Variants in UBE2L3 observed in about 807,000 individuals in gnomAD.
The protein encoded by UBE2L3 is ubiquitin conjugating enzyme E2 L3.
UBE2L3 carries 1 observed loss-of-function variant against 17.8 expected under a neutral mutation model. The observed-to-expected ratio is 0.06, with a 90% CI of 0.02 to 0.27. The LOEUF (loss-of-function observed/expected upper bound fraction) is 0.27, where lower values mean the gene tolerates loss of function less well. Among genes scored for constraint, UBE2L3 ranks in the 10% least tolerant of loss-of-function variants. The probability of loss-of-function intolerance (pLI) is 1.00; values close to 1 mark genes in which losing one functional copy is unlikely to be tolerated. For synonymous variants in UBE2L3, 44 were observed against 68.5 expected (o/e 0.64, Z 1.76); for missense variants, 40 against 192.6 (o/e 0.21, Z 4.69).
rs896790940 is a variant in UBE2L3 at position 21,580,634 on chromosome 22, T to C, written c.28-12227T>C. Among the ~76,000 whole-genome samples the C allele has an allele frequency of 6.6e-5, 10 of 151,314 alleles. No individual in the cohort carries two copies. In the East Asian group the frequency reaches 1.9e-3, roughly 29 times the overall value. ...CTGGCTAAGTTTTTTGTATTTTTAG[T>C]AGAGACAGGGTTTCACCATGTTGTT... On this transcript the variant is annotated intron_variant, in intron 1 of 3. Transcript: ENST00000342192.
chr22:21,553,015 C>G (rs1380696108), intron 1 of UBE2L3, among the ~76,000 whole-genome samples: 1 of 40,222 alleles, frequency 2.5e-5, no homozygotes, highest in African/African-American at 1.8e-4. Flanking sequence ...CGTGAGCCAC[C>G]GCGCATGGCC....
chr22:21,603,052 C>T (rs990804410), intron 2 of UBE2L3, among the ~76,000 whole-genome samples: 1 of 152,144 alleles, frequency 6.6e-6, no homozygotes. Flanking sequence ...GGAAAAGCAC[C>T]TGGCATCTAA....
At chr22:21,581,082 T>G (rs1601405817) in intron 1 of UBE2L3, among the ~76,000 whole-genome samples, 1 of 141,172 alleles carries the variant, frequency 7.1e-6, no homozygotes, top group African/African-American at 2.6e-5. Context: ...TGAGATGGAG[T>G]CTCACCCTGT....
intron 1 of UBE2L3, among the ~76,000 whole-genome samples, chr22:21,568,670 G>A (rs950777470): frequency 6.6e-6 from 1 of 152,140 alleles, no homozygotes; most frequent in African/African-American, 2.4e-5. Flanking sequence ...AAGGTCCTCT[G>A]TAGCCCACCC....
At chr22:21,590,245 T>A (rs1325023285) in intron 1 of UBE2L3, among the ~76,000 whole-genome samples, 38 of 152,240 alleles carry the variant, frequency 2.5e-4, no homozygotes, top group Non-Finnish European at 1.5e-4. Flanking sequence ...TCGCCCAAGC[T>A]GGAGTGCAGT....
rs35054754 is a variant in UBE2L3, at chr22:21,597,775, A to ATTTTTTTTTTTTT, written c.123+4839_123+4851dup. Among the ~76,000 whole-genome samples the ATTTTTTTTTTTTT allele has an allele frequency of 1.2e-3, 31 of 25,600 alleles. 9 individuals are homozygous for ATTTTTTTTTTTTT. The highest frequency in any genetic ancestry group is 8.9e-3 in the East Asian group (8 of 894). The allele number at this position is 25,600 out of a possible 152,430, so 16.8% of individuals were successfully genotyped here. A position where few individuals can be genotyped will look rare whatever the true frequency, so the allele number is the denominator to read the frequency against. On this transcript the variant is annotated intron_variant, in intron 2 of 3. Transcript: ENST00000342192. ...GGATCTTTGATCCATTTATATGTAG[A>ATTTTTTTTTTTTT]TTTTTTTTTTTTTTTTTTTTTTTTT...
intron 1 of UBE2L3, among the ~76,000 whole-genome samples, chr22:21,570,393 C>T (rs1233107055): frequency 6.6e-6 from 1 of 152,156 alleles, no homozygotes; most frequent in South Asian, 2.1e-4. Context: ...CGTAAGTCAT[C>T]TTTTCAACAC....
At chr22:21,562,394 C>T (rs113587339) in intron 1 of UBE2L3, among the ~76,000 whole-genome samples, 6 of 144,702 alleles carry the variant, frequency 4.1e-5, no homozygotes, top group African/African-American at 1.3e-4. Context: ...TTTTTTGAGA[C>T]GGAGTCTCGC....
chr22:21,598,211 T>TGTGTGTGTGTGTGTGTGTGTGTGTGTGTG (rs1555885650), intron 2 of UBE2L3, among the ~76,000 whole-genome samples: 3 of 98,108 alleles, frequency 3.1e-5, no homozygotes, highest in Admixed American at 1.3e-4. Flanking sequence ...GTGTGTGTGT[T>TGTGTGTGTGTGTGTGTGTGTGTGTGTGTG]TTTCATTTAT....
At chr22:21,557,514 T>C (rs1441538158) in intron 1 of UBE2L3, among the ~76,000 whole-genome samples, 1 of 151,728 alleles carries the variant, frequency 6.6e-6, no homozygotes, top group Admixed American at 6.5e-5. Flanking sequence ...CTTGCTTCAA[T>C]GGGCAGATCT....
At position 21,590,291 on chromosome 22, in the gene UBE2L3, G is replaced by A. The variant is rs142003383; in HGVS notation, c.28-2570G>A. Among the ~76,000 whole-genome samples, 873 of 152,146 alleles carry A rather than the reference G, an allele frequency of 5.7e-3. 5 individuals carry two copies. Among genetic ancestry groups the A allele is most frequent in the African/African-American group, 0.02 (814 of 41,524 alleles). On this transcript the variant is annotated intron_variant, in intron 1 of 3. Transcript: ENST00000342192. The stretch of plus-strand genomic sequence containing the variant: ...TAGTTCACTGCAACCTCTGCCTCCC[G>A]GGTTCGAGCGATTCTCCTGCCTCAG...
At chr22:21,594,411 T>C (rs904931054) in intron 2 of UBE2L3, among the ~76,000 whole-genome samples, 1 of 152,046 alleles carries the variant, frequency 6.6e-6, no homozygotes, top group Non-Finnish European at 1.5e-5. Context: ...GGAGCATGCT[T>C]CCTCCTGTAG....
At chr22:21,616,881 T>C (rs984053862) in intron 3 of UBE2L3, among the ~76,000 whole-genome samples, 10 of 151,652 alleles carry the variant, frequency 6.6e-5, no homozygotes, top group Admixed American at 3.3e-4. Flanking sequence ...AAATCACAAA[T>C]ATTGTTTACA....
chr22:21,612,484 C>T (rs1929533527), intron 3 of UBE2L3, among the ~76,000 whole-genome samples: 1 of 151,576 alleles, frequency 6.6e-6, no homozygotes. Flanking sequence ...CGCCACCACG[C>T]CCGGCTAATT....
intron 1 of UBE2L3, among the ~76,000 whole-genome samples, chr22:21,592,660 G>C (rs1301391362): frequency 6.6e-6 from 1 of 152,182 alleles, no homozygotes; most frequent in Non-Finnish European, 1.5e-5. Flanking sequence ...CTGGGGCATG[G>C]GGAGAGGCAA....
At chr22:21,583,349 C>T (rs906155714) in intron 1 of UBE2L3, among the ~76,000 whole-genome samples, 2 of 152,188 alleles carry the variant, frequency 1.3e-5, no homozygotes, top group Admixed American at 6.6e-5. Context: ...TTTTAACCCA[C>T]CCTCAACAGC....
intron 1 of UBE2L3, among the ~76,000 whole-genome samples, chr22:21,584,514 AT>A (rs1316960879): frequency 4.8e-5 from 7 of 146,440 alleles, no homozygotes; most frequent in Non-Finnish European, 9.1e-5. Context: ...TTTTATTTTT[AT>A]TTTTTTGAGA....
chr22:21,596,362 T>C (rs1288283680), intron 2 of UBE2L3, among the ~76,000 whole-genome samples: 1 of 152,016 alleles, frequency 6.6e-6, no homozygotes, highest in East Asian at 1.9e-4. Flanking sequence ...CAATTTCTTT[T>C]TATTTTATTC....
chr22:21,579,622 T>G (rs1471704599), intron 1 of UBE2L3, among the ~76,000 whole-genome samples: 1 of 151,970 alleles, frequency 6.6e-6, no homozygotes, highest in Non-Finnish European at 1.5e-5. Flanking sequence ...AATAAAATGA[T>G]TAACTGGGCA....
Sources: allele counts gnomAD v4.1 joint callset (sites outside exome capture counted in the v4.1 genomes callset), GRCh38; gene constraint gnomAD v4.1.1; transcripts MANE v1.5; gene names NCBI Gene and HGNC (gene_info 2026-07-23, HGNC 2026-07-21).